Variants in RIF1 observed in about 807,000 individuals in gnomAD.
RIF1 encodes the protein telomere-associated protein RIF1.
RIF1 carries 45 observed loss-of-function variants against 247.1 expected under a neutral mutation model. That is an observed-to-expected ratio of 0.18 (90% CI 0.14 to 0.23). The LOEUF (loss-of-function observed/expected upper bound fraction) is 0.23. Ranked by LOEUF, RIF1 falls within the 10% of genes least tolerant of loss-of-function variation. RIF1 has a pLI of 1.00. For missense variants in RIF1, 2,967 were observed against 2,862.5 expected (o/e 1.04, Z -0.83); for synonymous variants, 1,087 against 978.8 (o/e 1.11, Z -2.06).
intron 34 of RIF1, among the ~76,000 whole-genome samples, chr2:151,473,384 C>T (rs1016209638): frequency 1.3e-5 from 2 of 150,450 alleles, no homozygotes; most frequent in Non-Finnish European, 3.0e-5. Context: ...GCAGCTGCAC[C>T]TCCTGGACTC....
In RIF1 at chr2:151,455,176, A is replaced by C. The variant is rs756466635; in HGVS notation, c.2609+17A>C. On this transcript the variant is annotated intron_variant, in intron 22 of 35. Coordinates refer to ENST00000444746, the MANE Select transcript of RIF1 (RefSeq NM_018151.5). The stretch of plus-strand genomic sequence containing the variant: ...AAACTCAAAGTAAGTATTTTGGACT[A>C]AGTAGCTTTGAATTAAATGTATACA... 2.5e-6 allele frequency: 4 copies of C among 1,579,720 alleles called. No homozygotes were observed. In the Admixed American group the frequency reaches 5.4e-5, roughly 21 times the overall value.
At chr2:151,493,698 T>G in intron 9 of RIF1, 1 of 1,174,228 alleles carries the variant, frequency 8.5e-7, no homozygotes, top group Non-Finnish European at 1.2e-6. Context: ...GGAAAAACTG[T>G]AAGATAAATT....
At position 151,445,363 on chromosome 2, in the gene RIF1, C is replaced by T; in HGVS notation, c.2012C>T (p.Ala671Val). 6.2e-7 allele frequency: 1 copy of T among 1,602,570 alleles called. No homozygotes were observed. The highest frequency in any genetic ancestry group is 8.5e-7 in the Non-Finnish European group (1 of 1,169,658). ...NQTNEVNQGD[A>V]LEHNFSAIYG... ...ACCAATGAAGTAAATCAAGGTGATG[C>T]CTTAGAACATAATTTTAGTGCCATC... Residue 671 changes from alanine to valine, a missense_variant, in exon 19 of 36, where the codon GCC (alanine) becomes GTC (valine). Coordinates refer to ENST00000444746, the MANE Select transcript of RIF1 (RefSeq NM_018151.5).
chr2:151,456,842 C>T (rs1026580672), intron 23 of RIF1, among the ~76,000 whole-genome samples: 4 of 152,018 alleles, frequency 2.6e-5, no homozygotes, highest in Admixed American at 6.5e-5. Flanking sequence ...AAGTGATTCT[C>T]CCACCTCAGC....
chr2:151,518,267 G>A, the RIF1 span: 7 of 1,289,382 alleles, frequency 5.4e-6, no homozygotes, highest in Admixed American at 3.4e-5. Flanking sequence ...TTTTCACATT[G>A]TACTGTGGAT....
intron 10 of RIF1, chr2:151,496,409 A>G: frequency 6.4e-7 from 1 of 1,567,954 alleles, no homozygotes; most frequent in Non-Finnish European, 8.7e-7. Flanking sequence ...ACCATGAGTA[A>G]CATTTCATTT....
chr2:151,514,281 G>A, the RIF1 span: 3 of 1,394,966 alleles, frequency 2.2e-6, no homozygotes, highest in Non-Finnish European at 3.1e-6. Context: ...AAATGATGCT[G>A]TATGAATTAC....
At chr2:151,410,645 A>C in intron 2 of RIF1, 118 bp downstream of exon 2, 1 of 830,188 alleles carries the variant, frequency 1.2e-6, no homozygotes, top group Non-Finnish European at 1.9e-6. Flanking sequence ...AAATGTGAGG[A>C]CGCCCGAGTC....
chr2:151,526,831 C>G, the RIF1 span: 1 of 995,994 alleles, frequency 1.0e-6, no homozygotes, highest in East Asian at 2.6e-5. Context: ...CAGCTCTTCT[C>G]CATCCTTCCC....
At chr2:151,519,516 G>T in the RIF1 span, 2 of 670,654 alleles carry the variant, frequency 3.0e-6, no homozygotes, top group South Asian at 4.0e-5. Flanking sequence ...TATAGTTTCT[G>T]TTGGTATGAA....
chr2:151,414,904 A>T lies in RIF1; in HGVS notation c.265A>T (p.Thr89Ser). 1 of 1,604,650 alleles carries T rather than the reference A, an allele frequency of 6.2e-7. No individual in the cohort carries two copies. The highest frequency in any genetic ancestry group is 8.5e-7 in the Non-Finnish European group (1 of 1,171,960). Residue 89 changes from threonine (T) to serine (S), a missense_variant, in exon 4 of 36, where the codon ACC (threonine) becomes TCC (serine). Transcript: ENST00000444746. ...GTTTTGCTTATATAATCCCAAAATT[A>T]CCTCAGAATTATCAGGTAGATAAAT... ...LGFCLYNPKI[T>S]SELSEANALE...
At chr2:151,527,337 G>A in the RIF1 span, 24 of 732,610 alleles carry the variant, frequency 3.3e-5, no homozygotes, top group East Asian at 4.9e-4. Context: ...CTCGCCTATC[G>A]CTCCCCCAAC....
intron 11 of RIF1, among the ~76,000 whole-genome samples, chr2:151,501,113 T>TTTTC (rs1310633768): frequency 3.3e-5 from 5 of 150,436 alleles, no homozygotes; most frequent in Non-Finnish European, 7.5e-5. Context: ...AGTGTTTGGT[T>TTTTC]TTTCTTTTCT....
chr2:151,534,273 A>G, the RIF1 span: 7 of 1,613,590 alleles, frequency 4.3e-6, no homozygotes, highest in Non-Finnish European at 5.9e-6. Flanking sequence ...ATCGACTACC[A>G]GGTGGTATTT....
chr2:151,464,450 G>A lies in RIF1; in HGVS notation c.4930G>A (p.Asp1644Asn). The change falls in exon 30 of 36, where the codon GAT becomes AAT. Residue 1644 changes from aspartate (D) to asparagine (N), a missense_variant. This residue lies in a region of RIF1 where 2,028 missense variants were observed against 1,825.6 expected (regional missense o/e 1.11). Transcript: ENST00000444746. ...AACTTCAGATTTGTTGCAAGTTCCT[G>A]ATGATTTACCAAATGTGTGTGAGGA... ...TVTSDLLQVP[D>N]DLPNVCEEKN... 1 of 1,613,676 alleles carries A rather than the reference G, an allele frequency of 6.2e-7. No individual in the cohort carries two copies. The highest frequency in any genetic ancestry group is 8.5e-7 in the Non-Finnish European group (1 of 1,179,908).
Position 151,479,295 on chromosome 2 carries a change from A to G in RIF1, c.*4224A>G, listed in dbSNP as rs2049070590. ...AAGAATTTTGCTTAAGAGCCTTTTA[A>G]AAATATGGACGATTTATTTTTTAAG... On this transcript the variant is annotated 3_prime_UTR_variant, in exon 36 of 36. Transcript: ENST00000444746. The G allele has an allele frequency of 6.6e-6, 1 of 152,364 alleles. No individual in the cohort carries two copies. Among genetic ancestry groups the G allele is most frequent in the African/African-American group, 2.4e-5 (1 of 41,584 alleles). 9.4% of individuals were successfully genotyped at this position (152,364 alleles called of 1,614,324 possible).
intron 27 of RIF1, among the ~76,000 whole-genome samples, chr2:151,461,996 C>T (rs1696256115): frequency 6.6e-6 from 1 of 152,156 alleles, no homozygotes; most frequent in African/African-American, 2.4e-5. Flanking sequence ...GCATCAACCT[C>T]CCAAGTAGCT....
At chr2:151,504,883 A>G (rs898028308) in intron 12 of RIF1, among the ~76,000 whole-genome samples, 6 of 152,118 alleles carry the variant, frequency 3.9e-5, no homozygotes, top group Admixed American at 1.3e-4. Context: ...GGCTTAATGT[A>G]TAATATACCA....
At chr2:151,494,023 ATGTAG>A in intron 9 of RIF1, 2 of 891,804 alleles carry the variant, frequency 2.2e-6, no homozygotes, top group Non-Finnish European at 3.6e-6. Context: ...GCTACAGTAA[ATGTAG>A]TGTGATATTT....
Sources: allele counts gnomAD v4.1 joint callset (sites outside exome capture counted in the v4.1 genomes callset), GRCh38; gene constraint gnomAD v4.1.1; regional missense constraint gnomAD v4.1.1; transcripts MANE v1.5; gene names NCBI Gene and HGNC (gene_info 2026-07-23, HGNC 2026-07-21).